DPM1: variants seen among roughly 807,000 people sequenced by gnomAD.
DPM1 encodes the protein dolichol-phosphate mannosyltransferase subunit 1.
Under a neutral mutation model 39.0 loss-of-function variants are expected in DPM1, and 27 were observed. That is an observed-to-expected ratio of 0.69 (90% CI 0.51 to 0.95). DPM1 has a LOEUF of 0.95. DPM1 is among the 40% of genes least tolerant of loss of function. The pLI, the probability that DPM1 is intolerant of heterozygous loss-of-function variation, is 0.00. For missense variants in DPM1, 307 were observed against 315.6 expected (o/e 0.97, Z 0.21); for synonymous variants, 124 against 109.0 (o/e 1.14, Z -0.86).
Position 50,935,102 on chromosome 20 carries a change from TGAACG to T in DPM1, c.*25_*29del, listed in dbSNP as rs1568756560. Reference sequence around the variant, plus strand: ...GGCTTCTTTCATGTTTAACCTGAAATGAACGTAACTATAAATGAGTATCTTTCTTT... The same window carrying T: ...GGCTTCTTTCATGTTTAACCTGAAATTAACTATAAATGAGTATCTTTCTTT... On this transcript the variant is annotated 3_prime_UTR_variant, in exon 9 of 9. Coordinates refer to ENST00000371588, the MANE Select transcript of DPM1 (RefSeq NM_003859.3). 1 of 1,266,232 alleles carries T rather than the reference TGAACG, an allele frequency of 7.9e-7. No homozygotes were observed. The highest frequency in any genetic ancestry group is 1.7e-5 in the Admixed American group (1 of 59,232). 78.4% of individuals were successfully genotyped at this position (1,266,232 alleles called of 1,614,324 possible).
intron 2 of DPM1, among the ~76,000 whole-genome samples, chr20:50,951,239 A>C (rs1298473585): frequency 6.6e-6 from 1 of 152,246 alleles, no homozygotes; most frequent in African/African-American, 2.4e-5. Flanking sequence ...TATAATTTTC[A>C]GAATCTTCAA....
intron 7 of DPM1, among the ~76,000 whole-genome samples, chr20:50,936,756 T>C (rs1342558384): frequency 6.6e-6 from 1 of 152,236 alleles, no homozygotes; most frequent in Non-Finnish European, 1.5e-5. Flanking sequence ...ATTTCCTTTA[T>C]AAATTCCCCA....
At chr20:50,952,010 A>G (rs1167520580) in intron 2 of DPM1, among the ~76,000 whole-genome samples, 1 of 152,016 alleles carries the variant, frequency 6.6e-6, no homozygotes, top group Non-Finnish European at 1.5e-5. Flanking sequence ...GCCCCTTTCT[A>G]TGTGAGGCAG....
At chr20:50,955,409 A>C in intron 1 of DPM1, 124 bp from the exon 2 acceptor site, 1 of 709,352 alleles carries the variant, frequency 1.4e-6, no homozygotes, top group Non-Finnish European at 2.4e-6. Flanking sequence ...CGTTGAGGAA[A>C]ACTTCAATTA....
chr20:50,940,106 G>C (rs1985595353), intron 7 of DPM1, among the ~76,000 whole-genome samples: 1 of 148,858 alleles, frequency 6.7e-6, no homozygotes, highest in African/African-American at 2.6e-5. Context: ...GTGTGTGTGT[G>C]TGTGTGTGTG....
intron 2 of DPM1, among the ~76,000 whole-genome samples, chr20:50,950,925 C>T (rs1986541046): frequency 6.6e-6 from 1 of 152,136 alleles, no homozygotes; most frequent in African/African-American, 2.4e-5. Flanking sequence ...TTGCACACCC[C>T]CTTAACCCCA....
Position 50,954,093 on chromosome 20 carries a change from C to T in DPM1, c.261+1093G>A, listed in dbSNP as rs116996291. Among the ~76,000 whole-genome samples the T allele has an allele frequency of 4.6e-5, 7 of 152,256 alleles. No homozygotes were observed. The East Asian group carries it at 1.3e-3, about 29-fold the overall frequency. On this transcript the variant is annotated intron_variant, in intron 2 of 8. Transcript: ENST00000371588. ...TTCCTTTAAACTCTTGCCACCAAGA[C>T]CTCATACAACTGACACTCACCTCTA...
At chr20:50,942,653 T>G (rs1254776079) in intron 5 of DPM1, among the ~76,000 whole-genome samples, 1 of 151,820 alleles carries the variant, frequency 6.6e-6, no homozygotes, top group Non-Finnish European at 1.5e-5. Flanking sequence ...TGGGTGACAA[T>G]GGAAGACCTT....
At chr20:50,945,358 G>A (rs1368381687) in intron 5 of DPM1, among the ~76,000 whole-genome samples, 1 of 149,756 alleles carries the variant, frequency 6.7e-6, no homozygotes, top group Non-Finnish European at 1.5e-5. Flanking sequence ...TTAGAGACAA[G>A]GTCTCACTCT....
intron 2 of DPM1, among the ~76,000 whole-genome samples, chr20:50,949,235 T>G (rs1986458010): frequency 6.6e-6 from 1 of 152,346 alleles, no homozygotes; most frequent in South Asian, 2.1e-4. Flanking sequence ...TCACTCTATT[T>G]TAAATATGTC....
intron 1 of DPM1, among the ~76,000 whole-genome samples, chr20:50,955,776 C>A (rs1227162414): frequency 6.6e-6 from 1 of 152,084 alleles, no homozygotes; most frequent in East Asian, 1.9e-4. Flanking sequence ...TGTTAGCCAG[C>A]CTGGTCTCAA....
chr20:50,942,682 A>G (rs1188594996), intron 5 of DPM1, among the ~76,000 whole-genome samples: 1 of 151,958 alleles, frequency 6.6e-6, no homozygotes, highest in Non-Finnish European at 1.5e-5. Flanking sequence ...AATTAAAATA[A>G]TTAATTTTCC....
chr20:50,950,862 C>G (rs1986536999), intron 2 of DPM1, among the ~76,000 whole-genome samples: 1 of 150,912 alleles, frequency 6.6e-6, no homozygotes, highest in South Asian at 2.1e-4. Context: ...CAGTGAGACT[C>G]CGTCTCAAAA....
chr20:50,950,213 T>C (rs778061830), intron 2 of DPM1, among the ~76,000 whole-genome samples: 1 of 152,220 alleles, frequency 6.6e-6, no homozygotes, highest in African/African-American at 2.4e-5. Flanking sequence ...AATCTAACTC[T>C]AACTGCTAAA....
chr20:50,941,427 T>C (rs1476507580), intron 6 of DPM1, among the ~76,000 whole-genome samples: 11 of 147,274 alleles, frequency 7.5e-5, no homozygotes, highest in Non-Finnish European at 1.5e-4. Flanking sequence ...ATATTATATA[T>C]ATTAGCTGGG....
At chr20:50,956,723 C>T (rs1986839922) in intron 1 of DPM1, among the ~76,000 whole-genome samples, 1 of 152,132 alleles carries the variant, frequency 6.6e-6, no homozygotes, top group African/African-American at 2.4e-5. Flanking sequence ...AATCTGGGCA[C>T]TGGTGCCTTT....
At position 50,955,231 on chromosome 20, in the gene DPM1, C is replaced by G; in HGVS notation, c.216G>C (p.Arg72Ser). ...TCTTCTCCAACTGTTCAGCAACATC[C>G]CTTGTTCCATCTGGGCTTCCATCAT... Reference protein sequence around the residue: ...IIDDGSPDGTRDVAEQLEKIY... With the variant: ...IIDDGSPDGTSDVAEQLEKIY... The change falls in exon 2 of 9, where the codon AGG becomes AGC. Residue 72 changes from arginine (R) to serine (S), a missense_variant. Arg to Ser is a moderately radical substitution (Grantham distance 110). Around this residue, in one of 3 missense-constraint regions of DPM1, gnomAD observed 206 missense variants for 188.2 expected, o/e 1.09. Coordinates refer to ENST00000371588, the MANE Select transcript of DPM1 (RefSeq NM_003859.3). The G allele has an allele frequency of 6.2e-7, 1 of 1,613,232 alleles. No homozygotes were observed. The highest frequency in any genetic ancestry group is 8.5e-7 in the Non-Finnish European group (1 of 1,179,826).
intron 7 of DPM1, among the ~76,000 whole-genome samples, chr20:50,937,508 TATA>T (rs1985304471): frequency 6.6e-6 from 1 of 152,036 alleles, no homozygotes; most frequent in Non-Finnish European, 1.5e-5. Context: ...AATGAAGATA[TATA>T]ATATGTCAGA....
chr20:50,955,251 C>T lies in DPM1; in HGVS notation c.196G>A (p.Gly66Arg). Reference protein sequence around the residue: ...INYEIIIIDDGSPDGTRDVAE... With the variant: ...INYEIIIIDDRSPDGTRDVAE... ...ACATCCCTTGTTCCATCTGGGCTTC[C>T]ATCATCTATGATTATAATTTCATAG... Residue 66 changes from glycine to arginine, a missense_variant, in exon 2 of 9, where the codon GGA (glycine) becomes AGA (arginine). By Grantham distance (125) the Gly-to-Arg change is moderately radical. Coordinates refer to ENST00000371588, the MANE Select transcript of DPM1 (RefSeq NM_003859.3). 6.2e-7 allele frequency: 1 copy of T among 1,613,056 alleles called. No homozygotes were observed. The highest frequency in any genetic ancestry group is 8.5e-7 in the Non-Finnish European group (1 of 1,179,688).
Sources: gnomAD v4.1 joint callset for allele counts (sites outside exome capture counted in the v4.1 genomes callset) on GRCh38, gnomAD v4.1.1 for gene constraint, gnomAD v4.1.1 regional missense constraint, MANE v1.5 for transcripts, NCBI Gene and HGNC (gene_info 2026-07-23, HGNC 2026-07-21) for gene names.